The following WIZ variants were observed in gnomAD, a reference collection of about 807,000 sequenced individuals.
WIZ encodes the protein protein Wiz.
Under a neutral mutation model 140.2 loss-of-function variants are expected in WIZ, and 25 were observed. That is an observed-to-expected ratio of 0.18 (90% confidence interval 0.13 to 0.25). The LOEUF (loss-of-function observed/expected upper bound fraction) is 0.25. Among genes scored for constraint, WIZ ranks in the 10% least tolerant of loss-of-function variants. The probability of loss-of-function intolerance (pLI) is 1.00; values close to 1 mark genes in which losing one functional copy is unlikely to be tolerated. For missense variants in WIZ, 2,231 were observed against 2,632.6 expected (o/e 0.85, Z 3.34); for synonymous variants, 1,125 against 1,154.3 (o/e 0.97, Z 0.51).
chr19:15,432,882 G>GA (rs2145316061), intron 5 of WIZ, among the ~76,000 whole-genome samples: 1 of 152,014 alleles, frequency 6.6e-6, no homozygotes, highest in East Asian at 2.0e-4. Flanking sequence ...CCGTTCGTCT[G>GA]GGCCCTGAGG....
rs530725461 is a variant in WIZ at position 15,422,882 on chromosome 19, C to A, written c.*194G>T. On this transcript the variant is annotated 3_prime_UTR_variant, in exon 13 of 13. Transcript: ENST00000673675. ...GAAGACACCCTGTGGCCCCAGAGTC[C>A]TCGGGCTGGGGGAAGGGCAGCTAGC... The A allele has an allele frequency of 5.5e-5, 43 of 778,684 alleles. No individual in the cohort carries two copies. In the African/African-American group the frequency reaches 6.1e-4, roughly 11 times the overall value. The allele number at this position is 778,684 out of a possible 1,614,324, so 48.2% of individuals were successfully genotyped here. A position where few individuals can be genotyped will look rare whatever the true frequency, so the allele number is the denominator to read the frequency against.
chr19:15,433,211 A>G lies in WIZ; in HGVS notation c.2741-2029T>C, dbSNP rs1187455652. On this transcript the variant is annotated intron_variant, in intron 5 of 12. Coordinates refer to ENST00000673675, the MANE Select transcript of WIZ (RefSeq NM_001371589.1). ...CCCTCCAGTATCATCCTGTTATCCA[A>G]CCGTCCCCCGACGGTGCCGTTCCGC... is the stretch of plus-strand genomic sequence containing the variant. 6.1e-6 allele frequency: 6 copies of G among 978,334 alleles called. No individual in the cohort carries two copies. The African/African-American group carries it at 7.0e-5, about 11-fold the overall frequency. 60.6% of individuals were successfully genotyped at this position (978,334 alleles called of 1,614,324 possible). A position where few individuals can be genotyped will look rare whatever the true frequency, so the allele number is the denominator to read the frequency against.
intron 9 of WIZ, among the ~76,000 whole-genome samples, chr19:15,426,330 C>T (rs1446557977): frequency 6.6e-6 from 1 of 152,170 alleles, no homozygotes; most frequent in South Asian, 2.1e-4. Flanking sequence ...GGCATCCAAT[C>T]AACCTGAGCA....
intron 5 of WIZ, among the ~76,000 whole-genome samples, chr19:15,434,565 G>A (rs1189856773): frequency 7.8e-6 from 1 of 127,658 alleles, no homozygotes; most frequent in Non-Finnish European, 1.6e-5. Flanking sequence ...TCCATCTCAA[G>A]ACAGAGCGAG....
At chr19:15,425,801 GGAGGA>G (rs1968732698) in intron 9 of WIZ, 33 bp from the exon 10 acceptor site, 4 of 1,155,294 alleles carry the variant, frequency 3.5e-6, no homozygotes, top group Admixed American at 3.3e-5. Context: ...GGAAGGAGGA[GGAGGA>G]GGAGGAGGAG....
In WIZ at chr19:15,429,908, C is replaced by G; in HGVS notation, c.3093G>C (p.Gly1031=). ...ACTTCTTAGCCAGGCCTGGGGGCAG[C>G]CCAAGGTGGGCGTCAGGCAGACCCT... ...KQKGLPDAHL[G]LPPGLAKKSS... The change falls in exon 7 of 13, where the codon GGG becomes GGC. Residue 1031 remains glycine, a synonymous_variant. Coordinates refer to ENST00000673675, the MANE Select transcript of WIZ (RefSeq NM_001371589.1). The G allele has an allele frequency of 6.5e-7, 1 of 1,535,956 alleles. No homozygotes were observed. The highest frequency in any genetic ancestry group is 8.7e-7 in the Non-Finnish European group (1 of 1,146,772).
rs1374612062 is a variant in WIZ at position 15,440,473 on chromosome 19, A to G, written c.521T>C (p.Leu174Ser). ...GGGGCGGCCCTGGGCATGTTTCTCC[A>G]AAAGCCTTGGTTCCCCCCGGTGGTG... Reference protein sequence around the residue: ...FLHHRGEPRLLEKHAQGRPRF... With the variant: ...FLHHRGEPRLSEKHAQGRPRF... The change falls in exon 4 of 13, where the codon TTG (leucine) becomes TCG (serine). Residue 174 changes from leucine (L) to serine (S), a missense_variant. By Grantham distance (145) the Leu-to-Ser change is moderately radical (BLOSUM62 -2). Coordinates refer to ENST00000673675, the MANE Select transcript of WIZ (RefSeq NM_001371589.1). This position sits in a 1 kb window ranked among gnomAD's most constrained non-coding sequence, Gnocchi z 6.2. 9.1e-6 allele frequency: 14 copies of G among 1,536,058 alleles called. No individual in the cohort carries two copies. The highest frequency in any genetic ancestry group is 1.2e-5 in the Non-Finnish European group (14 of 1,146,870).
intron 2 of WIZ, among the ~76,000 whole-genome samples, chr19:15,445,857 T>A (rs1969901772): frequency 6.6e-6 from 1 of 151,980 alleles, no homozygotes; most frequent in Non-Finnish European, 1.5e-5. Flanking sequence ...TCCAGTGTGC[T>A]CTTGGGGGGC....
Position 15,430,699 on chromosome 19 carries a change from C to T in WIZ, c.2911+313G>A, listed in dbSNP as rs183449785. On this transcript the variant is annotated intron_variant, in intron 6 of 12. Transcript: ENST00000673675. ...CAACAGACGAAGAAATGGTGTCATG[C>T]GAGAGACTGCACAGCTAGCAAAGGC... Among the ~76,000 whole-genome samples, 13 of 152,262 alleles carry T rather than the reference C, an allele frequency of 8.5e-5. No individual in the cohort carries two copies. In the East Asian group the frequency reaches 2.1e-3, roughly 25 times the overall value.
chr19:15,440,772 G>C lies in WIZ; in HGVS notation c.279-57C>G. On this transcript the variant is annotated intron_variant, in intron 3 of 12. Coordinates refer to ENST00000673675, the MANE Select transcript of WIZ (RefSeq NM_001371589.1). The surrounding 1 kb of genome is among the most constrained non-coding windows in gnomAD (Gnocchi z 6.2). ...CCATGGGCTGCAGTTTTCCTTCCTA[G>C]GGTGGTGATGGGGGTCCTCCCAGGC... 7.0e-7 allele frequency: 1 copy of C among 1,427,916 alleles called. No homozygotes were observed. The highest frequency in any genetic ancestry group is 1.4e-5 in the African/African-American group (1 of 69,678). 88.5% of individuals were successfully genotyped at this position (1,427,916 alleles called of 1,614,324 possible). A position where few individuals can be genotyped will look rare whatever the true frequency, so the allele number is the denominator to read the frequency against.
chr19:15,427,732 G>A lies in WIZ; in HGVS notation c.3815-199C>T, dbSNP rs1256353448. On this transcript the variant is annotated intron_variant, in intron 8 of 12. Transcript: ENST00000673675. This position sits in a 1 kb window ranked among gnomAD's most constrained non-coding sequence, Gnocchi z 6.4. ...CAGGAGTGAGGGGAGGCTCCAGAGA[G>A]CACATGGGCCCTCAGTCCTGGCGGA... Among the ~76,000 whole-genome samples the A allele has an allele frequency of 6.6e-6, 1 of 152,166 alleles. No homozygotes were observed.
In WIZ at chr19:15,423,135, G is replaced by A. The variant is rs748973534; in HGVS notation, c.5611C>T (p.Pro1871Ser). 1 of 1,612,802 alleles carries A rather than the reference G, an allele frequency of 6.2e-7. No individual in the cohort carries two copies. The highest frequency in any genetic ancestry group is 8.5e-7 in the Non-Finnish European group (1 of 1,179,892). Residue 1871 changes from proline (P) to serine (S), a missense_variant, in exon 13 of 13, where the codon CCC becomes TCC. Coordinates refer to ENST00000673675, the MANE Select transcript of WIZ (RefSeq NM_001371589.1). ...ILEMNFSKAD[P>S]PPEESQAPQA... ...GGGGCCTGGGACTCCTCAGGTGGGG[G>A]GTCCGCTTTGGAGAAGTTCATCTCC...
At chr19:15,435,406 A>G (rs1969484089) in intron 5 of WIZ, among the ~76,000 whole-genome samples, 2 of 152,092 alleles carry the variant, frequency 1.3e-5, no homozygotes, top group African/African-American at 4.8e-5. Flanking sequence ...GGAGTTCCAG[A>G]CCAGCTTGGG....
At chr19:15,444,282 G>C (rs924140635) in intron 2 of WIZ, among the ~76,000 whole-genome samples, 5 of 152,150 alleles carry the variant, frequency 3.3e-5, no homozygotes, top group African/African-American at 4.8e-5. Flanking sequence ...GACCAGAAAG[G>C]TGTGGTCACT....
intron 2 of WIZ, among the ~76,000 whole-genome samples, chr19:15,443,539 T>C (rs1358469637): frequency 3.3e-5 from 5 of 152,192 alleles, no homozygotes; most frequent in Non-Finnish European, 5.9e-5. Context: ...CTCAGGGCCT[T>C]TGCACCTGCT....
rs1969112436 is a variant in WIZ at position 15,429,853 on chromosome 19, C to G, written c.3148G>C (p.Ala1050Pro). 6.5e-7 allele frequency: 1 copy of G among 1,528,950 alleles called. No homozygotes were observed. Among genetic ancestry groups the G allele is most frequent in the Admixed American group, 2.0e-5 (1 of 50,338 alleles). 94.7% of individuals were successfully genotyped at this position (1,528,950 alleles called of 1,614,324 possible). Residue 1050 changes from alanine (A) to proline (P), a missense_variant, in exon 7 of 13, where the codon GCC (alanine) becomes CCC (proline). By Grantham distance (27) the Ala-to-Pro change is conservative (BLOSUM62 -1). Around this residue, in one of 15 missense-constraint regions of WIZ, gnomAD observed 163 missense variants for 166.8 expected, o/e 0.98. Transcript: ENST00000673675. Reference sequence around the variant, plus strand: ...AGGCTGAGCAAGCCGGGCCGGGGGGCCCCGGCGACCACCTCCTTCAGTGAG... The same window carrying G: ...AGGCTGAGCAAGCCGGGCCGGGGGGGCCCGGCGACCACCTCCTTCAGTGAG... The part of the protein sequence containing the change: ...SSSLKEVVAG[A>P]PRPGLLSLAK...
At chr19:15,435,818 T>C (rs9676706) in intron 5 of WIZ, among the ~76,000 whole-genome samples, 119,170 of 151,778 alleles carry the variant, frequency 0.79, 46,919 homozygotes, top group East Asian at 0.99. Context: ...TGAGACTTCA[T>C]CTCAGAAAAA....
Position 15,425,351 on chromosome 19 carries a change from C to T in WIZ, c.4784G>A (p.Arg1595Gln), listed in dbSNP as rs1482989270. 4.5e-6 allele frequency: 7 copies of T among 1,558,350 alleles called. No homozygotes were observed. Among genetic ancestry groups the T allele is most frequent in the Middle Eastern group, 3.5e-4 (2 of 5,770 alleles). The change falls in exon 10 of 13, where the codon CGG (arginine) becomes CAG (glutamine). Residue 1595 changes from arginine to glutamine, a missense_variant. This residue lies in a region of WIZ where 393 missense variants were observed against 451.7 expected (regional missense o/e 0.87). Coordinates refer to ENST00000673675, the MANE Select transcript of WIZ (RefSeq NM_001371589.1). ...TGYLGSVAAKRPLQEDRLLPA... is the reference protein window; with the variant it reads ...TGYLGSVAAKQPLQEDRLLPA... The stretch of plus-strand genomic sequence containing the variant: ...GAGGAGGCGGTCCTCCTGCAGGGGC[C>T]GCTTGGCTGCCACTGAGCCCAGGTA...
chr19:15,448,251 C>T lies in WIZ; in HGVS notation c.57G>A (p.Glu19=). The T allele has an allele frequency of 1.2e-6, 2 of 1,613,644 alleles. No homozygotes were observed. Among genetic ancestry groups the T allele is most frequent in the Non-Finnish European group, 1.7e-6 (2 of 1,179,884 alleles). The part of the protein sequence containing the change: ...LAAPDRPQGP[E]RLPGPAPREN... Reference sequence around the variant, plus strand: ...CCCTTGGCGCCGGGCCAGGCAGTCTCTCTGGGCCTTGGGGACGATCTGGTG... The same window carrying T: ...CCCTTGGCGCCGGGCCAGGCAGTCTTTCTGGGCCTTGGGGACGATCTGGTG... Residue 19 remains glutamate (E), a synonymous_variant, in exon 2 of 13, where the codon GAG becomes GAA. Coordinates refer to ENST00000673675, the MANE Select transcript of WIZ (RefSeq NM_001371589.1).
Sources: allele counts gnomAD v4.1 joint callset (sites outside exome capture counted in the v4.1 genomes callset), GRCh38; gene constraint gnomAD v4.1.1; regional missense constraint gnomAD v4.1.1; non-coding constraint Gnocchi (gnomAD v3.1); transcripts MANE v1.5; gene names NCBI Gene and HGNC (gene_info 2026-07-23, HGNC 2026-07-21).